Variants in ADAMTS20 observed in about 807,000 individuals in gnomAD.
The protein encoded by ADAMTS20 is ADAM metallopeptidase with thrombospondin type 1 motif 20, also known as A disintegrin and metalloproteinase with thrombospondin motifs 20.
In ADAMTS20, 225 loss-of-function variants were observed where a neutral mutation model predicts 260.1. The ratio of observed to expected loss-of-function variants is 0.87; its 90% CI spans 0.78 to 0.97. The LOEUF is 0.97. Among genes scored for constraint, ADAMTS20 ranks in the 50% least tolerant of loss-of-function variants. ADAMTS20 has a pLI of 0.00. For missense variants in ADAMTS20, 2,400 were observed against 2,337.7 expected, an observed-to-expected ratio of 1.03 and a Z score of -0.55; for synonymous variants, 802 against 769.5, an observed-to-expected ratio of 1.04 and a Z score of -0.70.
At chr12:43,367,549 T>A (rs1940014208) in intron 37 of ADAMTS20, among the ~76,000 whole-genome samples, 1 of 151,998 alleles carries the variant, frequency 6.6e-6, no homozygotes, top group Non-Finnish European at 1.5e-5. Flanking sequence ...TAGAAAATAC[T>A]CCTAGCTGAC....
At chr12:43,444,578 A>G (rs1365771050) in intron 15 of ADAMTS20, among the ~76,000 whole-genome samples, 1 of 152,190 alleles carries the variant, frequency 6.6e-6, no homozygotes, top group African/African-American at 2.4e-5. Context: ...TGCTCAAAAG[A>G]GGAAACATTT....
In ADAMTS20 at chr12:43,430,433, A is replaced by G; in HGVS notation, c.3300T>C (p.Asp1100=). 6.2e-7 allele frequency: 1 copy of G among 1,613,184 alleles called. No homozygotes were observed. Among genetic ancestry groups the G allele is most frequent in the South Asian group, 1.1e-5 (1 of 91,002 alleles). The change falls in exon 23 of 39, where the codon GAT becomes GAC. Residue 1100 remains aspartate (D), a synonymous_variant. Transcript: ENST00000389420. ...TAGCTAGCTCATTGACACATTTAAC[A>G]TCTCGCATCTGATACCCATGTCCAC... ...TTCGHGYQMR[D]VKCVNELASA...
intron 15 of ADAMTS20, among the ~76,000 whole-genome samples, chr12:43,445,804 A>C (rs1339935635): frequency 4.6e-5 from 7 of 152,146 alleles, no homozygotes; most frequent in Non-Finnish European, 8.8e-5. Context: ...ATGAGCTATG[A>C]TTGTGCCACT....
chr12:43,366,474 T>G (rs1172399393), intron 37 of ADAMTS20, among the ~76,000 whole-genome samples: 1 of 151,710 alleles, frequency 6.6e-6, no homozygotes, highest in Non-Finnish European at 1.5e-5. Flanking sequence ...AGGTCTGTAG[T>G]CTATAGAACA....
intron 3 of ADAMTS20, among the ~76,000 whole-genome samples, chr12:43,521,445 C>G (rs1943070882): frequency 6.6e-6 from 1 of 152,178 alleles, no homozygotes; most frequent in African/African-American, 2.4e-5. Flanking sequence ...AACGTCTCTT[C>G]AAAGTTGAGA....
chr12:43,372,314 C>A (rs930729932), intron 36 of ADAMTS20, among the ~76,000 whole-genome samples: 10 of 152,130 alleles, frequency 6.6e-5, no homozygotes, highest in Admixed American at 6.5e-4. Context: ...GACACAAAAC[C>A]ATTAGAGGAT....
At chr12:43,548,250 C>A (rs1388449459) in intron 2 of ADAMTS20, among the ~76,000 whole-genome samples, 1 of 152,178 alleles carries the variant, frequency 6.6e-6, no homozygotes, top group Non-Finnish European at 1.5e-5. Context: ...CTCTGAGAAT[C>A]CTTCAGCAAA....
chr12:43,544,260 C>T (rs1046389280), intron 2 of ADAMTS20, among the ~76,000 whole-genome samples: 21 of 152,106 alleles, frequency 1.4e-4, no homozygotes, highest in African/African-American at 4.8e-4. Flanking sequence ...CTTAAATGTG[C>T]CCAAGCACTT....
chr12:43,524,577 T>C (rs912856290), intron 3 of ADAMTS20, among the ~76,000 whole-genome samples: 1 of 143,000 alleles, frequency 7.0e-6, no homozygotes, highest in Non-Finnish European at 1.5e-5. Context: ...AGAAGAAAGG[T>C]GAAAAGTAAA....
At chr12:43,519,873 T>C (rs1448945439) in intron 3 of ADAMTS20, among the ~76,000 whole-genome samples, 1 of 152,156 alleles carries the variant, frequency 6.6e-6, no homozygotes, top group Non-Finnish European at 1.5e-5. Flanking sequence ...CACCTTGGTC[T>C]TTCTACCTGC....
intron 2 of ADAMTS20, among the ~76,000 whole-genome samples, chr12:43,534,607 A>G (rs1025479624): frequency 6.6e-6 from 1 of 152,196 alleles, no homozygotes; most frequent in African/African-American, 2.4e-5. Context: ...CATAAACTTT[A>G]GCACAACTAT....
chr12:43,519,471 A>T (rs1943042416), intron 3 of ADAMTS20, among the ~76,000 whole-genome samples: 2 of 152,152 alleles, frequency 1.3e-5, no homozygotes, highest in Admixed American at 1.3e-4. Flanking sequence ...AATAAAAAAA[A>T]ACCCATGCTG....
intron 22 of ADAMTS20, among the ~76,000 whole-genome samples, chr12:43,430,907 A>G (rs935358907): frequency 1.3e-5 from 2 of 152,204 alleles, no homozygotes; most frequent in Non-Finnish European, 2.9e-5. Flanking sequence ...AACTGTGGCA[A>G]CCTCTACAGA....
intron 28 of ADAMTS20, among the ~76,000 whole-genome samples, chr12:43,421,448 G>A (rs1030207098): frequency 2.6e-5 from 4 of 151,820 alleles, no homozygotes; most frequent in African/African-American, 9.7e-5. Flanking sequence ...TTCTATGTGA[G>A]GAATAAAAAC....
At chr12:43,510,830 T>C (rs1942914366) in intron 3 of ADAMTS20, among the ~76,000 whole-genome samples, 1 of 152,028 alleles carries the variant, frequency 6.6e-6, no homozygotes. Flanking sequence ...ATAATAAGAA[T>C]ATAAACTACT....
Position 43,376,315 on chromosome 12 carries a change from G to A in ADAMTS20, c.5141C>T (p.Thr1714Ile), listed in dbSNP as rs1254299721. The stretch of plus-strand genomic sequence containing the variant: ...GTTTTTCACTTGAATTTCTTTGCAG[G>A]TGGTAAATGATTTACCTTCAAAGAC... ...CYANDCKSFT[T>I]CKEIQVKNHI... Residue 1714 changes from threonine to isoleucine, a missense_variant, in exon 34 of 39, where the codon ACC (threonine) becomes ATC (isoleucine). Transcript: ENST00000389420. The A allele has an allele frequency of 1.8e-5, 28 of 1,552,000 alleles. No individual in the cohort carries two copies. The highest frequency in any genetic ancestry group is 2.3e-5 in the Non-Finnish European group (26 of 1,146,908).
chr12:43,385,390 C>T (rs10880477), intron 29 of ADAMTS20, among the ~76,000 whole-genome samples: 34,226 of 152,114 alleles, frequency 0.23, 4,613 homozygotes, highest in African/African-American at 0.37. Flanking sequence ...TTCTCCCATT[C>T]TGTAAATTGA....
intron 11 of ADAMTS20, among the ~76,000 whole-genome samples, chr12:43,458,132 G>T (rs2137364533): frequency 6.6e-6 from 1 of 152,320 alleles, no homozygotes; most frequent in East Asian, 1.9e-4. Context: ...AAGTACATTA[G>T]TTCTCTCCAG....
chr12:43,458,379 C>T (rs2066247013), intron 11 of ADAMTS20, among the ~76,000 whole-genome samples: 1 of 152,232 alleles, frequency 6.6e-6, no homozygotes, highest in Admixed American at 6.5e-5. Flanking sequence ...TTTTCTTTCA[C>T]ACCTGCAATG....
Sources: allele counts gnomAD v4.1 joint callset (sites outside exome capture counted in the v4.1 genomes callset), GRCh38; gene constraint gnomAD v4.1.1; transcripts MANE v1.5; gene names NCBI Gene and HGNC (gene_info 2026-07-23, HGNC 2026-07-21).